RUNX3: variants seen among roughly 807,000 people sequenced by gnomAD.
RUNX3 encodes RUNX family transcription factor 3, also known as runt-related transcription factor 3.
A neutral mutation model predicts 27.7 loss-of-function variants in RUNX3; 10 were observed. The ratio of observed to expected loss-of-function variants is 0.36; its 90% CI spans 0.22 to 0.61. RUNX3 has a LOEUF of 0.61. Among genes scored for constraint, RUNX3 ranks in the 20% least tolerant of loss-of-function variants. The pLI, the probability that RUNX3 is intolerant of heterozygous loss-of-function variation, is 0.72. For synonymous variants in RUNX3, 270 were observed against 269.2 expected, an observed-to-expected ratio of 1.00 and a Z score of -0.03; for missense variants, 469 against 629.5, an observed-to-expected ratio of 0.75 and a Z score of 2.73.
At chr1:24,964,106 A>T (rs1274651297) in intron 2 of RUNX3, among the ~76,000 whole-genome samples, 3 of 152,128 alleles carry the variant, frequency 2.0e-5, no homozygotes, top group Non-Finnish European at 2.9e-5. Flanking sequence ...AGCTCTCCCC[A>T]GAAGTTGCCA....
chr1:24,907,468 G>A (rs779605074), intron 3 of RUNX3, 51 bp from the exon 4 acceptor site: 2 of 1,559,370 alleles, frequency 1.3e-6, no homozygotes, highest in Non-Finnish European at 1.7e-6. Flanking sequence ...AGTCTCAGTG[G>A]AGACAGAAAT....
chr1:24,944,749 G>C (rs1021325704), intron 2 of RUNX3, among the ~76,000 whole-genome samples: 1 of 152,212 alleles, frequency 6.6e-6, no homozygotes. Context: ...GGGGCTATGA[G>C]CCATGGAAAG....
chr1:24,947,686 C>T (rs938716370), intron 2 of RUNX3, among the ~76,000 whole-genome samples: 2 of 152,170 alleles, frequency 1.3e-5, no homozygotes, highest in Admixed American at 1.3e-4. Context: ...TTAACCTAGG[C>T]CCCTGGGGAC....
chr1:24,907,133 C>A (rs1640679215), intron 4 of RUNX3, 126 bp downstream of exon 4: 1 of 964,794 alleles, frequency 1.0e-6, no homozygotes, highest in South Asian at 1.7e-5. Context: ...ACCAGCAGCT[C>A]CTCTACAAAA....
chr1:24,952,710 C>T (rs1373358789), intron 2 of RUNX3, among the ~76,000 whole-genome samples: 1 of 152,204 alleles, frequency 6.6e-6, no homozygotes, highest in African/African-American at 2.4e-5. Flanking sequence ...TCTGATTCAG[C>T]CCCCACAGCG....
intron 2 of RUNX3, among the ~76,000 whole-genome samples, chr1:24,954,803 C>T (rs753840817): frequency 1.3e-5 from 2 of 152,130 alleles, no homozygotes. Flanking sequence ...TGAGTGGGTG[C>T]GGGAGGCCCC....
chr1:24,926,532 C>T (rs1484542634), intron 2 of RUNX3, among the ~76,000 whole-genome samples: 2 of 152,202 alleles, frequency 1.3e-5, no homozygotes, highest in Admixed American at 1.3e-4. Flanking sequence ...CAAAATATGG[C>T]TGACATTTGT....
chr1:24,961,546 A>G (rs555317324), intron 2 of RUNX3: 1 of 152,370 alleles, frequency 6.6e-6, no homozygotes, highest in South Asian at 2.1e-4. Flanking sequence ...ACACAGTCTC[A>G]CAGCACACAG....
intron 2 of RUNX3, among the ~76,000 whole-genome samples, chr1:24,953,395 G>GAAAAAAAAAAAAAAA (rs1641825201): frequency 1.7e-5 from 1 of 57,496 alleles, no homozygotes; most frequent in Admixed American, 1.7e-4. Flanking sequence ...GAAAAGAAAA[G>GAAAAAAAAAAAAAAA]AAAAATGAAA....
At chr1:24,948,430 G>T (rs1641668662) in intron 2 of RUNX3, among the ~76,000 whole-genome samples, 1 of 152,156 alleles carries the variant, frequency 6.6e-6, no homozygotes, top group Non-Finnish European at 1.5e-5. Context: ...GACAGACTTT[G>T]GTTGCTGAGC....
chr1:24,901,355 G>C lies in RUNX3; in HGVS notation c.*767C>G, dbSNP rs773181717. The C allele has an allele frequency of 3.3e-5, 5 of 152,678 alleles. No homozygotes were observed. The highest frequency in any genetic ancestry group is 7.3e-5 in the Non-Finnish European group (5 of 68,088). 9.5% of individuals were successfully genotyped at this position (152,678 alleles called of 1,614,324 possible). ...TGCCAAGAGAACAGAGAGTGGATGC[G>C]TTGAGCTGGTAAAGTGCATGGAGGA... On this transcript the variant is annotated 3_prime_UTR_variant, in exon 5 of 5. Transcript: ENST00000308873.
In RUNX3 at chr1:24,962,907, G is replaced by A. The variant is rs1212573663; in HGVS notation, c.58+1607C>T. 2 of 152,306 alleles carry A rather than the reference G, an allele frequency of 1.3e-5. No homozygotes were observed. Among genetic ancestry groups the A allele is most frequent in the East Asian group, 1.9e-4 (1 of 5,186 alleles). The allele number at this position is 152,306 out of a possible 1,614,324, so 9.4% of individuals were successfully genotyped here. ...CCCTACATTTCTCCATCTTGCGCAC[G>A]GAAGGAGAAATACAGATTACAAAGA... On this transcript the variant is annotated intron_variant, in intron 2 of 6. Coordinates refer to the RUNX3 transcript ENST00000338888. The surrounding 1 kb of genome is among the most constrained non-coding windows in gnomAD (Gnocchi z 4.5).
At chr1:24,919,202 C>T (rs1446404007) in intron 3 of RUNX3, 38 bp downstream of exon 3, 1 of 1,338,982 alleles carries the variant, frequency 7.5e-7, no homozygotes, top group Non-Finnish European at 1.0e-6. Flanking sequence ...GGACCCTCCT[C>T]CCCCGCGCAG....
At chr1:24,944,070 T>C (rs1281657504) in intron 2 of RUNX3, among the ~76,000 whole-genome samples, 2 of 152,134 alleles carry the variant, frequency 1.3e-5, no homozygotes, top group East Asian at 3.9e-4. Flanking sequence ...TTACAGAGTT[T>C]CTTATTAAAA....
chr1:24,958,951 G>C (rs960630245), intron 2 of RUNX3, among the ~76,000 whole-genome samples: 4 of 152,248 alleles, frequency 2.6e-5, no homozygotes, highest in African/African-American at 9.6e-5. Context: ...ATGGCAATAA[G>C]AGCTGGTGTT....
At position 24,955,876 on chromosome 1, in the gene RUNX3, C is replaced by T. The variant is rs1641907239; in HGVS notation, c.58+8638G>A. Among the ~76,000 whole-genome samples the T allele has an allele frequency of 2.0e-5, 3 of 152,234 alleles. No individual in the cohort carries two copies. In the South Asian group the frequency reaches 6.2e-4, roughly 31 times the overall value. Reference sequence around the variant, plus strand: ...ACTTCTGCATCTCCAGTGCCCAGAACAGTGCTTGCATGCAGTAGATGCTCA... The same window carrying T: ...ACTTCTGCATCTCCAGTGCCCAGAATAGTGCTTGCATGCAGTAGATGCTCA... On this transcript the variant is annotated intron_variant, in intron 2 of 6. Coordinates refer to the RUNX3 transcript ENST00000338888.
chr1:24,930,221 G>C lies in RUNX3; in HGVS notation c.-353C>G. On this transcript the variant is annotated 5_prime_UTR_variant, in exon 1 of 5. Coordinates refer to ENST00000308873, the MANE Select transcript of RUNX3 (RefSeq NM_004350.3). This position sits in a 1 kb window ranked among gnomAD's most constrained non-coding sequence, Gnocchi z 4.1. Reference sequence around the variant, plus strand: ...GCCTCCCGCCCCGAAGCTCGCCCGCGGCCGCCCCGACTCCGCGGCCGCAGC... The same window carrying C: ...GCCTCCCGCCCCGAAGCTCGCCCGCCGCCGCCCCGACTCCGCGGCCGCAGC... 1 of 982,250 alleles carries C rather than the reference G, an allele frequency of 1.0e-6. No homozygotes were observed. Among genetic ancestry groups the C allele is most frequent in the Non-Finnish European group, 1.2e-6 (1 of 828,636 alleles). The allele number at this position is 982,250 out of a possible 1,614,324, so 60.8% of individuals were successfully genotyped here.
At chr1:24,954,369 A>G (rs1339579927) in intron 2 of RUNX3, among the ~76,000 whole-genome samples, 1 of 152,188 alleles carries the variant, frequency 6.6e-6, no homozygotes, top group Non-Finnish European at 1.5e-5. Flanking sequence ...GCTCTCACCC[A>G]AGGCTTCACT....
At chr1:24,948,101 T>C (rs1361933147) in intron 2 of RUNX3, among the ~76,000 whole-genome samples, 1 of 152,194 alleles carries the variant, frequency 6.6e-6, no homozygotes, top group Non-Finnish European at 1.5e-5. Context: ...CCTGGAGGCC[T>C]CAGCCCTCCA....
Sources: allele counts gnomAD v4.1 joint callset (sites outside exome capture counted in the v4.1 genomes callset), GRCh38; gene constraint gnomAD v4.1.1; non-coding constraint Gnocchi (gnomAD v3.1); transcripts MANE v1.5; gene names NCBI Gene and HGNC (gene_info 2026-07-23, HGNC 2026-07-21).